The following SFXN5 variants were observed in gnomAD, a reference collection of about 807,000 sequenced individuals.
The protein encoded by SFXN5 is sideroflexin-5.
Under a neutral mutation model 50.2 loss-of-function variants are expected in SFXN5, and 43 were observed. The ratio of observed to expected loss-of-function variants is 0.86; its 90% CI spans 0.67 to 1.11. The LOEUF (loss-of-function observed/expected upper bound fraction) is 1.11, where lower values mean the gene tolerates loss of function less well. Ranked by LOEUF, SFXN5 falls within the 50% of genes least tolerant of loss-of-function variation. The pLI is 0.00. For missense variants in SFXN5, 463 were observed against 454.1 expected (o/e 1.02, Z -0.18); for synonymous variants, 203 against 185.8 (o/e 1.09, Z -0.75).
intron 6 of SFXN5, among the ~76,000 whole-genome samples, chr2:73,004,957 T>C (rs961508438): frequency 1.3e-5 from 2 of 152,142 alleles, no homozygotes; most frequent in African/African-American, 4.8e-5. Flanking sequence ...CCACATTCCC[T>C]CCCGCTGCCC....
chr2:73,066,196 T>G (rs780111427), intron 1 of SFXN5, among the ~76,000 whole-genome samples: 2 of 151,868 alleles, frequency 1.3e-5, no homozygotes, highest in Non-Finnish European at 2.9e-5. Flanking sequence ...GGTGGGGAAT[T>G]CTACAGGGAC....
chr2:72,985,366 C>T (rs767601716), intron 10 of SFXN5, among the ~76,000 whole-genome samples: 9 of 152,028 alleles, frequency 5.9e-5, no homozygotes, highest in Admixed American at 1.3e-4. Context: ...GCCAGGGGTA[C>T]CTGGGGATAA....
chr2:73,046,266 G>A (rs1480506568), intron 2 of SFXN5, among the ~76,000 whole-genome samples: 3 of 151,874 alleles, frequency 2.0e-5, no homozygotes, highest in Non-Finnish European at 2.9e-5. Flanking sequence ...AAACTTAGCC[G>A]GGCATGGTGG....
chr2:73,064,898 C>T (rs1226323183), intron 1 of SFXN5, among the ~76,000 whole-genome samples: 1 of 152,078 alleles, frequency 6.6e-6, no homozygotes, highest in Non-Finnish European at 1.5e-5. Flanking sequence ...GTGATTCTCC[C>T]ACCTCACCCT....
intron 2 of SFXN5, chr2:73,044,620 G>C (rs1214956465): frequency 1.3e-5 from 2 of 152,748 alleles, no homozygotes; most frequent in Admixed American, 6.5e-5. Context: ...GTTGGTGGCA[G>C]GGTGAACTCC....
Position 73,071,642 on chromosome 2 carries a change from C to A in SFXN5, c.64G>T (p.Ala22Ser). The A allele has an allele frequency of 6.2e-7, 1 of 1,613,758 alleles. No homozygotes were observed. The highest frequency in any genetic ancestry group is 1.1e-5 in the South Asian group (1 of 91,066). ...GGTTTGCCCAGTTGGAAAGGAGGTG[C>A]ATCGCTCGAGGCGCTAGCGGCACTA... is the stretch of plus-strand genomic sequence containing the variant. Reference protein sequence around the residue: ...AASAASASSDAPPFQLGKPRF... With the variant: ...AASAASASSDSPPFQLGKPRF... The change falls in exon 1 of 14, where the codon GCA becomes TCA. Residue 22 changes from alanine to serine, a missense_variant. Transcript: ENST00000272433.
chr2:73,050,254 C>A (rs1169762704), intron 2 of SFXN5, among the ~76,000 whole-genome samples: 2 of 152,156 alleles, frequency 1.3e-5, no homozygotes, highest in Admixed American at 1.3e-4. Context: ...ACAGCCCTAT[C>A]CCCACAATGC....
intron 12 of SFXN5, among the ~76,000 whole-genome samples, chr2:72,967,972 C>T (rs574835059): frequency 3.3e-5 from 5 of 152,090 alleles, no homozygotes; most frequent in South Asian, 2.1e-4. Flanking sequence ...TTGTATTTTA[C>T]GAGCAGAGAA....
At position 72,961,232 on chromosome 2, in the gene SFXN5, C is replaced by A. The variant is rs1331794238; in HGVS notation, c.844G>T (p.Ala282Ser). The change falls in exon 13 of 14, where the codon GCA becomes TCA. Residue 282 changes from alanine (A) to serine (S), a missense_variant. Coordinates refer to ENST00000272433, the MANE Select transcript of SFXN5 (RefSeq NM_144579.3). The surrounding 1 kb of genome is among the most constrained non-coding windows in gnomAD (Gnocchi z 4.4). ...SMLEKTALLQ[A>S]RPRLLLPVQS... ...ACAGGGAGGAGCAGCCGGGGGCGTG[C>A]CTGCAGGAGAGCCGTCCTGTGAGGG... The A allele has an allele frequency of 1.3e-6, 2 of 1,534,220 alleles. No individual in the cohort carries two copies. The highest frequency in any genetic ancestry group is 2.6e-5 in the East Asian group (1 of 39,150).
chr2:73,059,837 G>A, intron 1 of SFXN5: 2 of 964,762 alleles, frequency 2.1e-6, no homozygotes, highest in Non-Finnish European at 2.4e-6. Context: ...TGAGAATGTA[G>A]TCTAAGGAAA....
intron 9 of SFXN5, among the ~76,000 whole-genome samples, chr2:72,988,925 C>G (rs1000769756): frequency 4.6e-5 from 7 of 152,058 alleles, no homozygotes; most frequent in African/African-American, 1.7e-4. Context: ...ACTGTCATCG[C>G]CTTCATACCT....
At chr2:72,965,403 G>C (rs916374377) in intron 12 of SFXN5, among the ~76,000 whole-genome samples, 1 of 152,158 alleles carries the variant, frequency 6.6e-6, no homozygotes, top group African/African-American at 2.4e-5. Flanking sequence ...CGTGTGATCC[G>C]ATTCTTCCAG....
At chr2:73,038,259 C>T (rs779739127) in intron 3 of SFXN5, among the ~76,000 whole-genome samples, 2 of 152,098 alleles carry the variant, frequency 1.3e-5, no homozygotes, top group South Asian at 2.1e-4. Flanking sequence ...TGTATGTAAA[C>T]GGTTTGTGTA....
intron 10 of SFXN5, among the ~76,000 whole-genome samples, chr2:72,977,415 G>T (rs1017283084): frequency 2.0e-5 from 3 of 152,086 alleles, no homozygotes; most frequent in Non-Finnish European, 4.4e-5. Context: ...AAAAACATAT[G>T]AGTAGGCAAT....
chr2:72,990,130 G>A (rs61426399), intron 9 of SFXN5, among the ~76,000 whole-genome samples: 15,207 of 152,290 alleles, frequency 0.1, 2,532 homozygotes, highest in African/African-American at 0.34. Context: ...ACAAGGAAGT[G>A]CTGGTCCGCC....
intron 9 of SFXN5, among the ~76,000 whole-genome samples, chr2:72,995,585 G>T (rs966360806): frequency 2.6e-5 from 4 of 152,068 alleles, no homozygotes; most frequent in Non-Finnish European, 5.9e-5. Context: ...CCTGCTTGCA[G>T]CCTGTCGGCC....
chr2:72,947,491 T>C (rs1672085635), intron 13 of SFXN5, among the ~76,000 whole-genome samples: 1 of 152,226 alleles, frequency 6.6e-6, no homozygotes, highest in African/African-American at 2.4e-5. Context: ...CCAGGCCTCT[T>C]GCAACTTAGG....
intron 13 of SFXN5, among the ~76,000 whole-genome samples, chr2:72,951,643 T>C (rs1672547310): frequency 6.7e-6 from 1 of 150,070 alleles, no homozygotes; most frequent in Admixed American, 6.6e-5. Context: ...TTGGGGGCTT[T>C]TACCTACTAC....
intron 10 of SFXN5, among the ~76,000 whole-genome samples, chr2:72,972,971 G>A (rs62148128): frequency 0.04 from 6,046 of 152,046 alleles, 184 homozygotes; most frequent in Non-Finnish European, 0.059. Context: ...GTGGGCAGGC[G>A]GAGTGGGAGG....
Sources: allele counts gnomAD v4.1 joint callset (sites outside exome capture counted in the v4.1 genomes callset), GRCh38; gene constraint gnomAD v4.1.1; non-coding constraint Gnocchi (gnomAD v3.1); transcripts MANE v1.5; gene names NCBI Gene and HGNC (gene_info 2026-07-23, HGNC 2026-07-21).